The following DPF3 variants were observed in gnomAD, a reference collection of about 807,000 sequenced individuals.
DPF3 encodes zinc finger protein DPF3.
A neutral mutation model predicts 56.8 loss-of-function variants in DPF3; 18 were observed. That is an observed-to-expected ratio of 0.32 (90% CI 0.22 to 0.47). DPF3 has a LOEUF of 0.47. Among genes scored for constraint, DPF3 ranks in the 20% least tolerant of loss-of-function variants. The pLI is 1.00. For missense variants in DPF3, 403 were observed against 488.8 expected (o/e 0.82, Z 1.65); for synonymous variants, 188 against 180.2 (o/e 1.04, Z -0.35).
chr14:72,802,705 G>A (rs1892937758), intron 1 of DPF3, among the ~76,000 whole-genome samples: 1 of 152,130 alleles, frequency 6.6e-6, no homozygotes. Context: ...TACACAAAGG[G>A]AATACATTTG....
chr14:72,792,992 T>C (rs889681325), intron 1 of DPF3, among the ~76,000 whole-genome samples: 1 of 151,490 alleles, frequency 6.6e-6, no homozygotes, highest in Non-Finnish European at 1.5e-5. Flanking sequence ...TCTGCACAAA[T>C]AGAATTTGAA....
intron 9 of DPF3, among the ~76,000 whole-genome samples, chr14:72,627,579 G>A (rs1884907661): frequency 1.3e-5 from 2 of 152,002 alleles, no homozygotes; most frequent in South Asian, 4.1e-4. Context: ...TTAATATCTG[G>A]TAGGGCTAGT....
chr14:72,773,487 T>C (rs557630189), intron 1 of DPF3, among the ~76,000 whole-genome samples: 13 of 152,196 alleles, frequency 8.5e-5, no homozygotes, highest in Non-Finnish European at 1.6e-4. Context: ...CCATCTTAAG[T>C]GTACAGTTTA....
At chr14:72,821,210 G>A (rs1423269185) in intron 1 of DPF3, among the ~76,000 whole-genome samples, 2 of 151,968 alleles carry the variant, frequency 1.3e-5, no homozygotes, top group Non-Finnish European at 2.9e-5. Flanking sequence ...GCAGAGCCTG[G>A]GAGGCAGAGT....
At chr14:72,664,482 G>T (rs1356307777) in intron 8 of DPF3, among the ~76,000 whole-genome samples, 2 of 152,044 alleles carry the variant, frequency 1.3e-5, no homozygotes, top group African/African-American at 4.8e-5. Context: ...GAAACAATGT[G>T]CAGCTGTGTT....
At chr14:72,723,045 T>G (rs1449975643) in intron 5 of DPF3, among the ~76,000 whole-genome samples, 2 of 152,186 alleles carry the variant, frequency 1.3e-5, no homozygotes, top group African/African-American at 4.8e-5. Flanking sequence ...TATTTATTTT[T>G]TTTATTATAC....
chr14:72,828,438 CAAGG>C (rs1406497926), intron 1 of DPF3, among the ~76,000 whole-genome samples: 1 of 148,258 alleles, frequency 6.7e-6, no homozygotes, highest in Non-Finnish European at 1.5e-5. Context: ...TTTGGGAGGC[CAAGG>C]CAAGAGGATC....
chr14:72,805,051 G>GACACACAC (rs138162317), intron 1 of DPF3, among the ~76,000 whole-genome samples: 15 of 146,472 alleles, frequency 1.0e-4, no homozygotes, highest in African/African-American at 3.3e-4. Context: ...CACAGCCCTG[G>GACACACAC]ACACACACAC....
intron 3 of DPF3, among the ~76,000 whole-genome samples, chr14:72,750,360 T>TA (rs1189048496): frequency 6.6e-6 from 1 of 152,144 alleles, no homozygotes; most frequent in East Asian, 1.9e-4. Flanking sequence ...TCTTTGCTTC[T>TA]ATAAAAGAAG....
intron 9 of DPF3, among the ~76,000 whole-genome samples, chr14:72,622,810 C>A (rs1032088145): frequency 3.9e-5 from 6 of 152,126 alleles, no homozygotes; most frequent in Non-Finnish European, 7.3e-5. Context: ...CAGGGTAAAT[C>A]CCTGACCATG....
chr14:72,779,315 C>T (rs775634423), intron 1 of DPF3, among the ~76,000 whole-genome samples: 7 of 152,184 alleles, frequency 4.6e-5, no homozygotes, highest in Non-Finnish European at 8.8e-5. Flanking sequence ...GTCCTCATCA[C>T]CCAGCACCTG....
intron 1 of DPF3, among the ~76,000 whole-genome samples, chr14:72,795,101 G>T (rs916755428): frequency 4.6e-5 from 7 of 151,876 alleles, no homozygotes; most frequent in African/African-American, 1.7e-4. Flanking sequence ...ATATTCATAG[G>T]TTCCAAGGAT....
At chr14:72,686,316 G>C (rs1887408883) in intron 7 of DPF3, among the ~76,000 whole-genome samples, 1 of 152,254 alleles carries the variant, frequency 6.6e-6, no homozygotes, top group Admixed American at 6.5e-5. Flanking sequence ...AAATGGGACA[G>C]AGATGGGACA....
Position 72,610,767 on chromosome 14 carries a change from G to T in DPF3, c.*8530C>A, listed in dbSNP as rs988393939. On this transcript the variant is annotated 3_prime_UTR_variant, in exon 11 of 11. Coordinates refer to ENST00000556509, the MANE Select transcript of DPF3 (RefSeq NM_001280542.3). ...CAGCCACTGGCTCTTGGGCTCCCAGGTTCATCCCTCAAGGAGCTGGGGACC... is the reference window on the plus strand; with the variant it reads ...CAGCCACTGGCTCTTGGGCTCCCAGTTTCATCCCTCAAGGAGCTGGGGACC... Among the ~76,000 whole-genome samples the T allele has an allele frequency of 1.3e-5, 2 of 152,220 alleles. No homozygotes were observed. Among genetic ancestry groups the T allele is most frequent in the African/African-American group, 4.8e-5 (2 of 41,458 alleles).
intron 9 of DPF3, among the ~76,000 whole-genome samples, chr14:72,624,475 A>T (rs769576402): frequency 6.6e-4 from 100 of 151,382 alleles, no homozygotes; most frequent in Non-Finnish European, 1.1e-3. Flanking sequence ...AGTAACTGGG[A>T]TTACAGGCAT....
intron 1 of DPF3, among the ~76,000 whole-genome samples, chr14:72,780,040 G>T (rs1401519920): frequency 6.6e-6 from 1 of 152,210 alleles, no homozygotes; most frequent in Non-Finnish European, 1.5e-5. Context: ...TACATGCTGG[G>T]TCATGCCTGC....
rs9671739 is a variant in DPF3, at chr14:72,611,591, C to A, written c.*7706G>T. Among the ~76,000 whole-genome samples the A allele has an allele frequency of 8.5e-3, 1,288 of 152,262 alleles. 21 individuals are homozygous for A. The highest frequency in any genetic ancestry group is 0.029 in the African/African-American group (1,214 of 41,550). On this transcript the variant is annotated 3_prime_UTR_variant, in exon 11 of 11. Transcript: ENST00000556509. ...GGGTCATTTTCTGCCTCTGATCAGGCCCTGCCAGTTGCACCTCCCTGCCTT... is the reference window on the plus strand; with the variant it reads ...GGGTCATTTTCTGCCTCTGATCAGGACCTGCCAGTTGCACCTCCCTGCCTT...
chr14:72,886,843 C>G (rs1356964250), intron 1 of DPF3, among the ~76,000 whole-genome samples: 2 of 151,960 alleles, frequency 1.3e-5, no homozygotes, highest in African/African-American at 2.4e-5. Context: ...GGCATGAAGT[C>G]CAGTCTAGTC....
intron 9 of DPF3, among the ~76,000 whole-genome samples, chr14:72,621,972 G>C (rs1173976306): frequency 6.6e-6 from 1 of 152,214 alleles, no homozygotes. Context: ...CTGTTGAAGA[G>C]AGCAGGAGAG....
Sources: allele counts gnomAD v4.1 joint callset (sites outside exome capture counted in the v4.1 genomes callset), GRCh38; gene constraint gnomAD v4.1.1; transcripts MANE v1.5; gene names NCBI Gene and HGNC (gene_info 2026-07-23, HGNC 2026-07-21).